Variants in SLC4A5 observed in about 807,000 individuals in gnomAD.
The protein encoded by SLC4A5 is electrogenic sodium bicarbonate cotransporter 4.
In SLC4A5, 96 loss-of-function variants were observed where a neutral mutation model predicts 120.4. The observed-to-expected ratio is 0.80, with a 90% confidence interval of 0.68 to 0.94. SLC4A5 has a LOEUF of 0.94. Ranked by LOEUF, SLC4A5 falls within the 40% of genes least tolerant of loss-of-function variation. SLC4A5 has a pLI of 0.00. For synonymous variants in SLC4A5, 550 were observed against 571.1 expected, an observed-to-expected ratio of 0.96 and a Z score of 0.53; for missense variants, 1,259 against 1,459.5, an observed-to-expected ratio of 0.86 and a Z score of 2.24.
chr2:74,264,097 T>C (rs1461735876), intron 10 of SLC4A5, 50 bp downstream of exon 10: 1 of 1,580,718 alleles, frequency 6.3e-7, no homozygotes. Context: ...TACCAGGGCC[T>C]GATACTGGCC....
chr2:74,256,609 G>A (rs1670972071), intron 12 of SLC4A5, among the ~76,000 whole-genome samples: 2 of 152,210 alleles, frequency 1.3e-5, no homozygotes. Context: ...CACAGGCAGA[G>A]CCAGTGGGGT....
chr2:74,294,090 C>T (rs1672256891), intron 7 of SLC4A5, among the ~76,000 whole-genome samples: 1 of 152,108 alleles, frequency 6.6e-6, no homozygotes, highest in South Asian at 2.1e-4. Context: ...CATGGCCAGC[C>T]CCCCAAAAGT....
chr2:74,303,011 C>G (rs1434254864), intron 7 of SLC4A5, among the ~76,000 whole-genome samples: 2 of 142,618 alleles, frequency 1.4e-5, no homozygotes, highest in African/African-American at 2.9e-5. Flanking sequence ...CACTCCTGAG[C>G]AGGACTGTGT....
intron 25 of SLC4A5, among the ~76,000 whole-genome samples, chr2:74,229,657 T>C (rs1694990987): frequency 1.3e-5 from 2 of 152,234 alleles, no homozygotes; most frequent in Non-Finnish European, 2.9e-5. Context: ...AAGTAGTCCC[T>C]GGCCATTTAA....
intron 6 of SLC4A5, among the ~76,000 whole-genome samples, chr2:74,310,548 A>G (rs1404768861): frequency 6.6e-6 from 1 of 152,134 alleles, no homozygotes; most frequent in African/African-American, 2.4e-5. Flanking sequence ...TTCTGCATCT[A>G]TTGACATTAT....
chr2:74,220,794 G>C (rs1031628437), intron 30 of SLC4A5, among the ~76,000 whole-genome samples: 1 of 149,906 alleles, frequency 6.7e-6, no homozygotes, highest in Non-Finnish European at 1.5e-5. Flanking sequence ...GGGACTACAG[G>C]CGTGAGCCAC....
chr2:74,265,318 C>T, intron 8 of SLC4A5, 54 bp from the exon 9 acceptor site: 4 of 1,582,212 alleles, frequency 2.5e-6, no homozygotes, highest in Non-Finnish European at 2.6e-6. Context: ...GAGGAGGCCT[C>T]ACCTGGGTCT....
At chr2:74,228,162 C>T (rs34481365) in intron 25 of SLC4A5, among the ~76,000 whole-genome samples, 41,316 of 152,102 alleles carry the variant, frequency 0.27, 6,422 homozygotes, top group Middle Eastern at 0.4. Context: ...TAAAGAAATG[C>T]CTTCTGGAAA....
At chr2:74,312,429 C>T (rs1672835999) in intron 6 of SLC4A5, among the ~76,000 whole-genome samples, 1 of 151,948 alleles carries the variant, frequency 6.6e-6, no homozygotes, top group South Asian at 2.1e-4. Flanking sequence ...AGGGTTTCAC[C>T]ATGTTGGCCA....
At chr2:74,331,999 G>T (rs1673376063) in intron 4 of SLC4A5, among the ~76,000 whole-genome samples, 1 of 152,176 alleles carries the variant, frequency 6.6e-6, no homozygotes, top group African/African-American at 2.4e-5. Context: ...TTGTGGGATA[G>T]GGGAGTCTTC....
At chr2:74,234,156 CTTTT>C (rs1016001544) in intron 22 of SLC4A5, among the ~76,000 whole-genome samples, 1 of 148,644 alleles carries the variant, frequency 6.7e-6, no homozygotes, top group Admixed American at 6.7e-5. Flanking sequence ...CGTTGGTGCT[CTTTT>C]TTTTTTCTTT....
At chr2:74,288,581 G>T (rs1401588291) in intron 7 of SLC4A5, among the ~76,000 whole-genome samples, 1 of 151,950 alleles carries the variant, frequency 6.6e-6, no homozygotes, top group Admixed American at 6.6e-5. Flanking sequence ...AGTTCCTCTT[G>T]CCTGGCTAAC....
At chr2:74,256,822 G>C (rs542400476) in intron 12 of SLC4A5, among the ~76,000 whole-genome samples, 1 of 152,232 alleles carries the variant, frequency 6.6e-6, no homozygotes, top group South Asian at 2.1e-4. Flanking sequence ...ACAGACAAGA[G>C]ACAGAGATAA....
chr2:74,275,868 C>T (rs1394718221), intron 8 of SLC4A5, among the ~76,000 whole-genome samples: 2 of 152,162 alleles, frequency 1.3e-5, no homozygotes, highest in East Asian at 3.9e-4. Context: ...GAGGAGCCTG[C>T]CCAAGGTCAT....
rs549286065 is a variant in SLC4A5 at position 74,224,828 on chromosome 2, C to T, written c.3246+12G>A. 32 of 1,603,212 alleles carry T rather than the reference C, an allele frequency of 2.0e-5. 3 individuals carry two copies. The South Asian group carries it at 3.3e-4, about 16-fold the overall frequency. On this transcript the variant is annotated intron_variant, in intron 28 of 30. Transcript: ENST00000394019. ...ATTTCTCCTCTGTGCCCCGGCCTCA[C>T]ATCTTCCCCACCTCCTCATCACAGT... is the stretch of plus-strand genomic sequence containing the variant.
intron 21 of SLC4A5, among the ~76,000 whole-genome samples, chr2:74,237,255 C>T (rs529595283): frequency 1.3e-4 from 20 of 152,118 alleles, no homozygotes; most frequent in Non-Finnish European, 2.1e-4. Context: ...GGATTACAGG[C>T]GTGAGCCACT....
intron 8 of SLC4A5, among the ~76,000 whole-genome samples, chr2:74,278,124 A>T (rs1238059346): frequency 1.3e-5 from 2 of 152,204 alleles, no homozygotes; most frequent in Non-Finnish European, 2.9e-5. Context: ...AGGTGGTCTG[A>T]TGGTGGGGTT....
chr2:74,245,582 T>G (rs895832209), intron 19 of SLC4A5, among the ~76,000 whole-genome samples: 2 of 151,944 alleles, frequency 1.3e-5, no homozygotes, highest in African/African-American at 4.8e-5. Context: ...GAACAAAGGG[T>G]AGCATCACCT....
At chr2:74,339,914 C>T (rs577693735) in intron 2 of SLC4A5, among the ~76,000 whole-genome samples, 1 of 152,288 alleles carries the variant, frequency 6.6e-6, no homozygotes, top group East Asian at 1.9e-4. Context: ...AAGGACATCA[C>T]GCTAAGTGAA....
Sources: gnomAD v4.1 joint callset for allele counts (sites outside exome capture counted in the v4.1 genomes callset) on GRCh38, gnomAD v4.1.1 for gene constraint, MANE v1.5 for transcripts, NCBI Gene and HGNC (gene_info 2026-07-23, HGNC 2026-07-21) for gene names.